TGM5: variants seen among roughly 807,000 people sequenced by gnomAD.
TGM5 encodes protein-glutamine gamma-glutamyltransferase 5.
In TGM5, 69 loss-of-function variants were observed where a neutral mutation model predicts 77.2. The observed-to-expected ratio is 0.89, with a 90% CI of 0.74 to 1.09. The LOEUF is 1.09. Ranked by LOEUF, TGM5 falls within the 50% of genes least tolerant of loss-of-function variation. The pLI, the probability that TGM5 is intolerant of heterozygous loss-of-function variation, is 0.00. For missense variants in TGM5, 842 were observed against 896.5 expected, an observed-to-expected ratio of 0.94 and a Z score of 0.78; for synonymous variants, 346 against 351.8, an observed-to-expected ratio of 0.98 and a Z score of 0.18.
chr15:43,260,207 G>C lies in TGM5; in HGVS notation c.281C>G (p.Thr94Ser). 6.2e-7 allele frequency: 1 copy of C among 1,613,982 alleles called. No individual in the cohort carries two copies. The highest frequency in any genetic ancestry group is 8.5e-7 in the Non-Finnish European group (1 of 1,180,016). ...CACCTCTGTGGAGGTGGCCCCATTG[G>C]TCTCCAGCCAGGCAATCCAGGGGCT... ...SPSPWIAWLETNGATSTEVSL... is the reference protein window; with the variant it reads ...SPSPWIAWLESNGATSTEVSL... The change falls in exon 3 of 13, where the codon ACC becomes AGC. Residue 94 changes from threonine to serine, a missense_variant. Physicochemically the swap from Thr to Ser is moderately conservative, Grantham distance 58. Coordinates refer to ENST00000220420, the MANE Select transcript of TGM5 (RefSeq NM_201631.4).
intron 6 of TGM5, among the ~76,000 whole-genome samples, chr15:43,251,825 G>C (rs1378174661): frequency 1.3e-5 from 2 of 152,084 alleles, no homozygotes; most frequent in Non-Finnish European, 2.9e-5. Flanking sequence ...ACTTCCATTT[G>C]CCATCTTTTC....
chr15:43,265,661 T>C (rs1430642782), intron 1 of TGM5, among the ~76,000 whole-genome samples: 2 of 152,152 alleles, frequency 1.3e-5, no homozygotes, highest in Non-Finnish European at 2.9e-5. Flanking sequence ...AACAGAAGAC[T>C]GTAGAAAGAA....
intron 9 of TGM5, among the ~76,000 whole-genome samples, chr15:43,236,408 G>C (rs771190999): frequency 6.6e-6 from 1 of 152,206 alleles, no homozygotes; most frequent in African/African-American, 2.4e-5. Flanking sequence ...AGGTCTAGGC[G>C]TGCAGAGTTC....
intron 1 of TGM5, among the ~76,000 whole-genome samples, chr15:43,265,538 G>A (rs1361097557): frequency 6.6e-6 from 1 of 152,200 alleles, no homozygotes; most frequent in Admixed American, 6.5e-5. Context: ...GCCTAAGACA[G>A]GAATGACTCT....
rs527321257 is a variant in TGM5 at position 43,233,008 on chromosome 15, C to T, written c.*183G>A. On this transcript the variant is annotated 3_prime_UTR_variant, in exon 13 of 13. Transcript: ENST00000220420. ...TAGTAAACAAAGCAAAGTCTTTGCC[C>T]TCATGGAGCTTAAATTTCTAGTGGA... is the stretch of plus-strand genomic sequence containing the variant. 1.4e-6 allele frequency: 1 copy of T among 734,656 alleles called. No homozygotes were observed. Among genetic ancestry groups the T allele is most frequent in the African/African-American group, 1.8e-5 (1 of 56,590 alleles). The allele number at this position is 734,656 out of a possible 1,614,324, so 45.5% of individuals were successfully genotyped here.
chr15:43,258,397 TA>T (rs1193611941), intron 3 of TGM5, among the ~76,000 whole-genome samples: 1 of 152,158 alleles, frequency 6.6e-6, no homozygotes, highest in Non-Finnish European at 1.5e-5. Flanking sequence ...AAATAAAGGT[TA>T]AAAATTATCT....
chr15:43,233,441 C>T (rs901118975), intron 12 of TGM5, 97 bp from the exon 13 acceptor site: 1 of 1,611,132 alleles, frequency 6.2e-7, no homozygotes, highest in African/African-American at 1.3e-5. Context: ...GGAGTGCTTC[C>T]ACTTTCCCTT....
In TGM5 at chr15:43,261,089, T is replaced by TG. The variant is rs1566837511; in HGVS notation, c.11-511_11-510insC. Among the ~76,000 whole-genome samples, 172 of 119,216 alleles carry TG rather than the reference T, an allele frequency of 1.4e-3. 2 individuals are homozygous for TG. Among genetic ancestry groups the TG allele is most frequent in the South Asian group, 4.3e-3 (14 of 3,256 alleles). The allele number at this position is 119,216 out of a possible 152,430, so 78.2% of individuals were successfully genotyped here. On this transcript the variant is annotated intron_variant, in intron 1 of 12. Transcript: ENST00000220420. ...TTTTGTGTGTGTGTTTTTTTTTTTT[T>TG]TTTTTTTTTTTTTTTTTTGAGACAG...
chr15:43,252,402 T>C (rs1320168091), intron 6 of TGM5, among the ~76,000 whole-genome samples: 1 of 152,138 alleles, frequency 6.6e-6, no homozygotes, highest in Non-Finnish European at 1.5e-5. Flanking sequence ...TTGCAACCTC[T>C]GCCCCCCCGG....
At chr15:43,236,679 C>T (rs1189550184) in intron 9 of TGM5, among the ~76,000 whole-genome samples, 2 of 152,118 alleles carry the variant, frequency 1.3e-5, no homozygotes, top group African/African-American at 2.4e-5. Context: ...TAAGAGTGGG[C>T]CCACAGGCTG....
At chr15:43,248,484 G>A (rs1407347023) in intron 6 of TGM5, among the ~76,000 whole-genome samples, 1 of 152,122 alleles carries the variant, frequency 6.6e-6, no homozygotes, top group Non-Finnish European at 1.5e-5. Flanking sequence ...AACAACTTTT[G>A]AATAAGACCC....
chr15:43,250,360 C>T (rs1285265929), intron 6 of TGM5, among the ~76,000 whole-genome samples: 1 of 152,170 alleles, frequency 6.6e-6, no homozygotes, highest in Non-Finnish European at 1.5e-5. Flanking sequence ...CTACTTTCCC[C>T]ATTGTACATC....
At chr15:43,247,923 A>T (rs114907383) in intron 6 of TGM5, 1 of 152,238 alleles carries the variant, frequency 6.6e-6, no homozygotes, top group Non-Finnish European at 1.5e-5. Flanking sequence ...ACAGTGCTAC[A>T]TATTAAACAC....
intron 1 of TGM5, among the ~76,000 whole-genome samples, chr15:43,261,077 T>G (rs1166007854): frequency 2.0e-4 from 2 of 9,780 alleles, no homozygotes; most frequent in Non-Finnish European, 2.9e-4. Context: ...TGTGTGTGTG[T>G]TTTTTTTTTT....
intron 3 of TGM5, 104 bp downstream of exon 3, chr15:43,259,948 G>A (rs905748891): frequency 1.3e-6 from 2 of 1,545,970 alleles, no homozygotes; most frequent in Admixed American, 1.7e-5. Flanking sequence ...GAATTGAGGA[G>A]GCTCTGGGTG....
chr15:43,261,088 T>TTG (rs2042785635), intron 1 of TGM5, among the ~76,000 whole-genome samples: 8 of 116,822 alleles, frequency 6.8e-5, no homozygotes, highest in African/African-American at 2.9e-4. Flanking sequence ...TTTTTTTTTT[T>TTG]TTTTTTTTTT....
chr15:43,259,848 G>T (rs2042771475), intron 3 of TGM5, among the ~76,000 whole-genome samples: 1 of 152,172 alleles, frequency 6.6e-6, no homozygotes, highest in Non-Finnish European at 1.5e-5. Context: ...AAGATGATTT[G>T]GTTTATAACT....
Position 43,233,124 on chromosome 15 carries a change from C to A in TGM5, c.*67G>T. The A allele has an allele frequency of 6.3e-7, 1 of 1,596,894 alleles. No individual in the cohort carries two copies. Among genetic ancestry groups the A allele is most frequent in the Non-Finnish European group, 8.6e-7 (1 of 1,168,950 alleles). On this transcript the variant is annotated 3_prime_UTR_variant, in exon 13 of 13. Transcript: ENST00000220420. ...TCTGTTGTGGTGGGGAATGGCGCAGCTTGCATTTGAACTTGCTCCTTTTCC... is the reference window on the plus strand; with the variant it reads ...TCTGTTGTGGTGGGGAATGGCGCAGATTGCATTTGAACTTGCTCCTTTTCC...
chr15:43,244,146 C>T (rs2042656333), intron 6 of TGM5, among the ~76,000 whole-genome samples: 1 of 152,224 alleles, frequency 6.6e-6, no homozygotes, highest in Non-Finnish European at 1.5e-5. Context: ...CCTTCTCATG[C>T]TCTCACATAA....
Sources: gnomAD v4.1 joint callset for allele counts (sites outside exome capture counted in the v4.1 genomes callset) on GRCh38, gnomAD v4.1.1 for gene constraint, MANE v1.5 for transcripts, NCBI Gene and HGNC (gene_info 2026-07-23, HGNC 2026-07-21) for gene names.